ABCG1: variants seen among roughly 807,000 people sequenced by gnomAD.
ABCG1 encodes ATP binding cassette subfamily G member 1.
A neutral mutation model predicts 69.2 loss-of-function variants in ABCG1; 29 were observed. The observed-to-expected ratio is 0.42, with a 90% CI of 0.31 to 0.57. ABCG1 has a LOEUF of 0.57. Ranked by LOEUF, ABCG1 falls within the 20% of genes least tolerant of loss-of-function variation. The pLI is 0.15. For missense variants in ABCG1, 718 were observed against 898.1 expected (o/e 0.80, Z 2.56); for synonymous variants, 370 against 374.8 (o/e 0.99, Z 0.15).
upstream of ABCG1, among the ~76,000 whole-genome samples, chr21:42,214,413 G>T (rs752996925): frequency 6.6e-6 from 1 of 152,214 alleles, no homozygotes; most frequent in African/African-American, 2.4e-5. Context: ...CCCAGTCTAC[G>T]ATATTTGTTA....
intron 2 of ABCG1, chr21:42,259,913 C>A: frequency 6.9e-7 from 1 of 1,455,368 alleles, no homozygotes; most frequent in Non-Finnish European, 9.1e-7. Flanking sequence ...CAGGCTTGAG[C>A]GGCCCTGAAG....
intron 2 of ABCG1, among the ~76,000 whole-genome samples, chr21:42,249,936 CG>C (rs2068192239): frequency 6.7e-6 from 1 of 150,140 alleles, no homozygotes; most frequent in Admixed American, 6.6e-5. Context: ...ACCTGGGAGG[CG>C]GAGGTTGCAG....
In ABCG1 at chr21:42,274,297, T is replaced by C. The variant is rs76737147; in HGVS notation, c.537+862T>C. The stretch of plus-strand genomic sequence containing the variant: ...TCCTAGTAAGCCTCCCCACAGTATC[T>C]TCACTTATGTCCTCTGTGGATAAAT... On this transcript the variant is annotated intron_variant, in intron 4 of 14. Transcript: ENST00000398449. Among the ~76,000 whole-genome samples the C allele has an allele frequency of 5.3e-3, 805 of 152,320 alleles. 8 individuals carry two copies. The highest frequency in any genetic ancestry group is 0.017 in the African/African-American group (721 of 41,556).
At chr21:42,217,183 C>A (rs145918708), upstream of ABCG1, among the ~76,000 whole-genome samples, 548 of 152,214 alleles carry the variant, frequency 3.6e-3, 2 homozygotes, top group African/African-American at 0.012. Flanking sequence ...TATTCTCGAG[C>A]TGAAGGTGAA....
At chr21:42,252,048 C>T (rs1156232568) in intron 2 of ABCG1, among the ~76,000 whole-genome samples, 3 of 152,224 alleles carry the variant, frequency 2.0e-5, no homozygotes, top group Admixed American at 6.5e-5. Flanking sequence ...GCTGTGGAAA[C>T]GGAACCGCTG....
intron 2 of ABCG1, among the ~76,000 whole-genome samples, chr21:42,207,466 T>C (rs1234315547): frequency 6.6e-6 from 1 of 152,268 alleles, no homozygotes; most frequent in Admixed American, 6.5e-5. Context: ...CTTTCTATTT[T>C]ATTTTTTCAA....
chr21:42,231,097 C>T (rs999677343), intron 2 of ABCG1, among the ~76,000 whole-genome samples: 7 of 152,246 alleles, frequency 4.6e-5, no homozygotes, highest in African/African-American at 1.4e-4. Flanking sequence ...TGGATGTCAG[C>T]GGCCATTGGC....
chr21:42,271,227 T>G, intron 3 of ABCG1, 40 bp downstream of exon 3: 1 of 1,347,270 alleles, frequency 7.4e-7, no homozygotes, highest in Non-Finnish European at 1.0e-6. Context: ...CTCTCCCGGG[T>G]GTCAGGCCAG....
At chr21:42,199,803 A>G (rs2067492812) in exon 1 of ABCG1, 1 of 152,254 alleles carries the variant, frequency 6.6e-6, no homozygotes, top group South Asian at 2.1e-4. Flanking sequence ...TGCAAAATAA[A>G]TATATGTCAC....
At chr21:42,206,383 TAAAC>T (rs149842586) in intron 2 of ABCG1, among the ~76,000 whole-genome samples, 22,770 of 143,406 alleles carry the variant, frequency 0.16, 1,969 homozygotes, top group East Asian at 0.26. Context: ...AATAAATAAA[TAAAC>T]AAACAAACAA....
chr21:42,225,001 T>C (rs2067792416), intron 1 of ABCG1, among the ~76,000 whole-genome samples: 1 of 152,116 alleles, frequency 6.6e-6, no homozygotes, highest in South Asian at 2.1e-4. Context: ...CACTTGATTG[T>C]GAGACCTGGA....
chr21:42,221,053 G>A (rs887925515), intron 1 of ABCG1: 1 of 152,088 alleles, frequency 6.6e-6, no homozygotes, highest in African/African-American at 2.4e-5. Context: ...CAACTGTCTT[G>A]TTATCACGTG....
intron 2 of ABCG1, among the ~76,000 whole-genome samples, chr21:42,210,902 G>C (rs1048179531): frequency 5.9e-5 from 9 of 152,038 alleles, no homozygotes; most frequent in African/African-American, 2.2e-4. Context: ...TTGAAGTCAA[G>C]AGTGCCAGCA....
intron 2 of ABCG1, among the ~76,000 whole-genome samples, chr21:42,204,681 C>A (rs2067529941): frequency 6.6e-6 from 1 of 152,100 alleles, no homozygotes; most frequent in Non-Finnish European, 1.5e-5. Context: ...TTCATGAGGG[C>A]CATTGGTCTG....
intron 2 of ABCG1, among the ~76,000 whole-genome samples, chr21:42,258,266 C>A (rs1202893727): frequency 6.6e-6 from 1 of 151,762 alleles, no homozygotes; most frequent in African/African-American, 2.4e-5. Flanking sequence ...ATTCTTCCCT[C>A]CACCCATCCC....
intron 2 of ABCG1, among the ~76,000 whole-genome samples, chr21:42,228,229 C>T (rs980438812): frequency 2.0e-5 from 3 of 152,178 alleles, no homozygotes; most frequent in Non-Finnish European, 4.4e-5. Flanking sequence ...TGTGCTCAGG[C>T]AGGGGAAGAG....
upstream of ABCG1, chr21:42,219,124 G>C (rs1016308496): frequency 1.2e-6 from 1 of 805,860 alleles, no homozygotes; most frequent in Non-Finnish European, 1.6e-6. This position sits in a 1 kb window ranked among gnomAD's most constrained non-coding sequence, Gnocchi z 5.3. Flanking sequence ...ACCAGAGCCG[G>C]AGCCGGATCC....
chr21:42,216,579 G>C (rs1229277051), upstream of ABCG1, among the ~76,000 whole-genome samples: 1 of 152,182 alleles, frequency 6.6e-6, no homozygotes, highest in Admixed American at 6.5e-5. Flanking sequence ...GCTGCTGGGG[G>C]GCCATGCAGA....
chr21:42,288,133 T>G lies in ABCG1; in HGVS notation c.1123-78T>G. The G allele has an allele frequency of 1.2e-6, 2 of 1,611,728 alleles. No individual in the cohort carries two copies. Among genetic ancestry groups the G allele is most frequent in the Non-Finnish European group, 1.7e-6 (2 of 1,177,830 alleles). On this transcript the variant is annotated intron_variant, in intron 9 of 14. Coordinates refer to ENST00000398449, the MANE Select transcript of ABCG1 (RefSeq NM_016818.3). The surrounding 1 kb of genome is among the most constrained non-coding windows in gnomAD (Gnocchi z 4.8). ...GCACGTGGCACCGTGCACTGCTGCA[T>G]GAGAGCTCTTTCCGAGCAAGAAGGA...
Sources: allele counts gnomAD v4.1 joint callset (sites outside exome capture counted in the v4.1 genomes callset), GRCh38; gene constraint gnomAD v4.1.1; non-coding constraint Gnocchi (gnomAD v3.1); transcripts MANE v1.5; gene names NCBI Gene and HGNC (gene_info 2026-07-23, HGNC 2026-07-21).